Variants in FSIP1 observed in about 807,000 individuals in gnomAD.
FSIP1 encodes the protein fibrous sheath-interacting protein 1.
In FSIP1, 65 loss-of-function variants were observed where a neutral mutation model predicts 60.9. The ratio of observed to expected loss-of-function variants is 1.07; its 90% CI spans 0.87 to 1.31. The LOEUF is 1.31. Among genes scored for constraint, FSIP1 ranks in the 40% most tolerant of loss-of-function variants. The pLI is 0.00. For synonymous variants in FSIP1, 209 were observed against 221.2 expected, an observed-to-expected ratio of 0.94 and a Z score of 0.49; for missense variants, 675 against 665.5, an observed-to-expected ratio of 1.01 and a Z score of -0.16.
rs921027919 is a variant in FSIP1, at chr15:39,677,758, G to A, written c.1188+35686C>T. Among the ~76,000 whole-genome samples the A allele has an allele frequency of 3.3e-5, 5 of 152,272 alleles. 1 individual carries two copies. Among genetic ancestry groups the A allele is most frequent in the Admixed American group, 6.5e-5 (1 of 15,298 alleles). On this transcript the variant is annotated intron_variant, in intron 10 of 11. Coordinates refer to ENST00000350221, the MANE Select transcript of FSIP1 (RefSeq NM_152597.5). ...CGGGCGTGGTGGCCCAGCACTTTGG[G>A]AGGCCGAGGCAGGCAGATCACGAGG...
At chr15:39,662,310 G>T (rs933411685) in intron 10 of FSIP1, among the ~76,000 whole-genome samples, 1 of 151,934 alleles carries the variant, frequency 6.6e-6, no homozygotes, top group Non-Finnish European at 1.5e-5. Flanking sequence ...ATGTAATCAA[G>T]CCCCCCAAAA....
intron 10 of FSIP1, among the ~76,000 whole-genome samples, chr15:39,647,999 C>T (rs1310777146): frequency 1.3e-5 from 2 of 148,956 alleles, no homozygotes; most frequent in East Asian, 3.9e-4. Context: ...AGGGGAATAT[C>T]ACACTCTGGG....
intron 10 of FSIP1, among the ~76,000 whole-genome samples, chr15:39,663,028 T>C (rs987493845): frequency 1.3e-5 from 2 of 152,124 alleles, no homozygotes; most frequent in Non-Finnish European, 2.9e-5. Flanking sequence ...CAAACAAGCT[T>C]CCTTGTTTAA....
At chr15:39,706,676 A>T (rs907072538) in intron 10 of FSIP1, among the ~76,000 whole-genome samples, 1 of 152,230 alleles carries the variant, frequency 6.6e-6, no homozygotes, top group Non-Finnish European at 1.5e-5. Flanking sequence ...CCATAATCCC[A>T]ACACACTTTT....
rs567589110 is a variant in FSIP1 at position 39,775,569 on chromosome 15, C to A, written c.126+830G>T. Among the ~76,000 whole-genome samples, 7 of 152,206 alleles carry A rather than the reference C, an allele frequency of 4.6e-5. No individual in the cohort carries two copies. The South Asian group carries it at 1.5e-3, about 32-fold the overall frequency. ...TATCTGATATGTTTTGACTCTGTGT[C>A]CCCACCCAAATCTCATGTCGAATTG... On this transcript the variant is annotated intron_variant, in intron 2 of 11. Coordinates refer to ENST00000350221, the MANE Select transcript of FSIP1 (RefSeq NM_152597.5).
At position 39,726,617 on chromosome 15, in the gene FSIP1, G is replaced by C. The variant is rs1262987550; in HGVS notation, c.1022C>G (p.Ser341Cys). Residue 341 changes from serine to cysteine, a missense_variant, in exon 9 of 12, where the codon TCT becomes TGT. By Grantham distance (112) the Ser-to-Cys change is moderately radical. Coordinates refer to ENST00000350221, the MANE Select transcript of FSIP1 (RefSeq NM_152597.5). ...SAASPTISSF[S>C]PRLENRNNQK... ...ATTATTCCGATTTTCAAGTCTTGGA[G>C]AAAAACTGGAAATTGTAGGGGAGGC... is the stretch of plus-strand genomic sequence containing the variant. The C allele has an allele frequency of 9.3e-6, 15 of 1,614,078 alleles. No homozygotes were observed. Among genetic ancestry groups the C allele is most frequent in the Non-Finnish European group, 1.3e-5 (15 of 1,180,002 alleles).
At chr15:39,710,157 GA>G (rs1895438544) in intron 10 of FSIP1, among the ~76,000 whole-genome samples, 1 of 152,070 alleles carries the variant, frequency 6.6e-6, no homozygotes, top group Non-Finnish European at 1.5e-5. Context: ...AATCAGTTAT[GA>G]ATCTACAGTT....
intron 10 of FSIP1, among the ~76,000 whole-genome samples, chr15:39,633,091 C>CTTTTTTTTTTTTTT (rs869063502): frequency 7.1e-5 from 8 of 112,868 alleles, no homozygotes; most frequent in Admixed American, 9.3e-5. Flanking sequence ...GGCTATACTT[C>CTTTTTTTTTTTTTT]TTTTTTTTTT....
intron 10 of FSIP1, among the ~76,000 whole-genome samples, chr15:39,658,315 C>T (rs1036408050): frequency 2.1e-5 from 3 of 144,104 alleles, no homozygotes; most frequent in East Asian, 2.0e-4. Flanking sequence ...TATAGTGGCG[C>T]GATCTCAGCT....
At chr15:39,648,432 A>G (rs1162935961) in intron 10 of FSIP1, among the ~76,000 whole-genome samples, 2 of 152,226 alleles carry the variant, frequency 1.3e-5, no homozygotes, top group African/African-American at 4.8e-5. Flanking sequence ...TCATAACCTT[A>G]GAAGGTGAGA....
At chr15:39,651,477 T>G (rs1449423805) in intron 10 of FSIP1, among the ~76,000 whole-genome samples, 4 of 152,226 alleles carry the variant, frequency 2.6e-5, no homozygotes, top group Non-Finnish European at 5.9e-5. Context: ...AAGTGCATTA[T>G]TTCCTCCTCA....
At chr15:39,779,401 GTT>G (rs1898173038) in intron 1 of FSIP1, among the ~76,000 whole-genome samples, 1 of 152,048 alleles carries the variant, frequency 6.6e-6, no homozygotes, top group Non-Finnish European at 1.5e-5. Flanking sequence ...TGTATTTTCT[GTT>G]TTTCTATTAA....
intron 2 of FSIP1, among the ~76,000 whole-genome samples, chr15:39,772,437 G>A (rs1398122144): frequency 6.6e-6 from 1 of 151,268 alleles, no homozygotes; most frequent in Non-Finnish European, 1.5e-5. Flanking sequence ...GGAACCACAG[G>A]CGCATGCCAC....
intron 10 of FSIP1, among the ~76,000 whole-genome samples, chr15:39,626,557 A>T (rs948174618): frequency 2.0e-5 from 3 of 152,038 alleles, no homozygotes; most frequent in Non-Finnish European, 4.4e-5. Flanking sequence ...TGAGGGAGGG[A>T]TCTAGTGGGA....
In FSIP1 at chr15:39,739,738, T is replaced by C; in HGVS notation, c.707A>G (p.Lys236Arg). The C allele has an allele frequency of 6.3e-7, 1 of 1,597,682 alleles. No individual in the cohort carries two copies. The highest frequency in any genetic ancestry group is 8.5e-7 in the Non-Finnish European group (1 of 1,174,884). Residue 236 changes from lysine to arginine, a missense_variant, in exon 7 of 12, where the codon AAA becomes AGA. Coordinates refer to ENST00000350221, the MANE Select transcript of FSIP1 (RefSeq NM_152597.5). ...AATCTTTTCTGTATTCGAGAAAGGTTTCTTTCCTGATTTGATCAATGACTC... is the reference window on the plus strand; with the variant it reads ...AATCTTTTCTGTATTCGAGAAAGGTCTCTTTCCTGATTTGATCAATGACTC... ...RNESLIKSGK[K>R]PFSNTEKIEL...
intron 11 of FSIP1, among the ~76,000 whole-genome samples, chr15:39,607,887 A>T (rs1890884924): frequency 6.6e-6 from 1 of 152,260 alleles, no homozygotes. Context: ...TTTCCTGAGA[A>T]GGAGGTAGAA....
chr15:39,741,583 CT>C (rs1164384489), intron 6 of FSIP1, among the ~76,000 whole-genome samples: 1 of 152,184 alleles, frequency 6.6e-6, no homozygotes, highest in African/African-American at 2.4e-5. Flanking sequence ...TTTTTAAAAA[CT>C]CTTTATTATT....
intron 5 of FSIP1, among the ~76,000 whole-genome samples, chr15:39,758,891 T>C (rs1052929279): frequency 6.6e-6 from 1 of 152,066 alleles, no homozygotes. Context: ...ACCCAGTTCC[T>C]ACACGATAAA....
chr15:39,637,695 C>T (rs1892192938), intron 10 of FSIP1, among the ~76,000 whole-genome samples: 1 of 152,044 alleles, frequency 6.6e-6, no homozygotes, highest in South Asian at 2.1e-4. Context: ...AGTGGAACTT[C>T]CTAGATTCAA....
Sources: gnomAD v4.1 joint callset for allele counts (sites outside exome capture counted in the v4.1 genomes callset) on GRCh38, gnomAD v4.1.1 for gene constraint, MANE v1.5 for transcripts, NCBI Gene and HGNC (gene_info 2026-07-23, HGNC 2026-07-21) for gene names.